The following ANO5 variants were observed in gnomAD, a reference collection of about 807,000 sequenced individuals.
The protein encoded by ANO5 is anoctamin 5.
In ANO5, 109 loss-of-function variants were observed where a neutral mutation model predicts 121.0. The ratio of observed to expected loss-of-function variants is 0.90; its 90% CI spans 0.77 to 1.06. The LOEUF (loss-of-function observed/expected upper bound fraction) is 1.06. Ranked by LOEUF, ANO5 falls within the 50% of genes least tolerant of loss-of-function variation. The pLI, the probability that ANO5 is intolerant of heterozygous loss-of-function variation, is 0.00. For synonymous variants in ANO5, 406 were observed against 359.9 expected (o/e 1.13, Z -1.45); for missense variants, 1,064 against 1,078.5 (o/e 0.99, Z 0.19).
chr11:22,231,373 T>C lies in ANO5; in HGVS notation c.648+3787T>C, dbSNP rs1853036104. Reference sequence around the variant, plus strand: ...TTTTAATTGTACGACTGAAGCACAGTTTCATCCTCATTGTGAAAGTATCAA... The same window carrying C: ...TTTTAATTGTACGACTGAAGCACAGCTTCATCCTCATTGTGAAAGTATCAA... On this transcript the variant is annotated intron_variant, in intron 7 of 21. Transcript: ENST00000324559. Among the ~76,000 whole-genome samples the C allele has an allele frequency of 2.6e-5, 4 of 151,900 alleles. No individual in the cohort carries two copies. In the Admixed American group the frequency reaches 2.6e-4, roughly 10 times the overall value.
chr11:22,216,523 C>T (rs898068091), intron 3 of ANO5, among the ~76,000 whole-genome samples: 1 of 151,686 alleles, frequency 6.6e-6, no homozygotes, highest in Non-Finnish European at 1.5e-5. Context: ...ATCTTTTCTG[C>T]ATTTTAAAAA....
At chr11:22,255,342 C>A (rs760554033) in intron 12 of ANO5, 29 bp from the exon 13 acceptor site, 2 of 1,514,020 alleles carry the variant, frequency 1.3e-6, no homozygotes, top group Non-Finnish European at 1.8e-6. Flanking sequence ...TTTTTAATAT[C>A]TTTTTTTTAT....
Position 22,225,969 on chromosome 11 carries a change from T to A in ANO5, c.295-15T>A, listed in dbSNP as rs1389262131. The A allele has an allele frequency of 8.2e-6, 13 of 1,584,230 alleles. No individual in the cohort carries two copies. The highest frequency in any genetic ancestry group is 1.7e-5 in the Admixed American group (1 of 59,658). On this transcript the variant is annotated splice_polypyrimidine_tract_variant and intron_variant, in intron 5 of 21. Transcript: ENST00000324559. ...AAGCATTCTGCATAATTCTGTTGAT[T>A]TTTTTTTGTCATAGGAAAGAAGAAA...
chr11:22,216,713 A>G lies in ANO5; in HGVS notation c.139-1533A>G, dbSNP rs1045514477. ...ATATAAATTCAATTTCTCATATTTT[A>G]TCTTTTATCATCCATTCTTTTTATG... On this transcript the variant is annotated intron_variant, in intron 3 of 21. Transcript: ENST00000324559. Among the ~76,000 whole-genome samples the G allele has an allele frequency of 4.0e-5, 6 of 151,892 alleles. No homozygotes were observed. In the South Asian group the frequency reaches 8.3e-4, roughly 21 times the overall value.
At chr11:22,218,119 A>ACACACACACACACACACACACG in intron 3 of ANO5, 127 bp from the exon 4 acceptor site, 1 of 868,664 alleles carries the variant, frequency 1.2e-6, no homozygotes, top group South Asian at 1.4e-5. Flanking sequence ...GAAATATCAC[A>ACACACACACACACACACACACG]CACACACACA....
At position 22,281,850 on chromosome 11, in the gene ANO5, T is replaced by C. The variant is rs1407812514; in HGVS notation, c.*2085T>C. 1.3e-5 allele frequency: 2 copies of C among 152,126 alleles called. No individual in the cohort carries two copies. Among genetic ancestry groups the C allele is most frequent in the African/African-American group, 4.8e-5 (2 of 41,464 alleles). 9.4% of individuals were successfully genotyped at this position (152,126 alleles called of 1,614,324 possible). On this transcript the variant is annotated 3_prime_UTR_variant, in exon 22 of 22. Coordinates refer to ENST00000324559, the MANE Select transcript of ANO5 (RefSeq NM_213599.3). ...ATGGAGAAAACAGCAAGGGAAGAAA[T>C]CGTTTTTAAGATAAGTAAATAATTC...
Position 22,280,774 on chromosome 11 carries a change from G to A in ANO5, c.*1009G>A, listed in dbSNP as rs983661860. 1 of 151,872 alleles carries A rather than the reference G, an allele frequency of 6.6e-6. No homozygotes were observed. The highest frequency in any genetic ancestry group is 1.5e-5 in the Non-Finnish European group (1 of 67,864). The allele number at this position is 151,872 out of a possible 1,614,324, so 9.4% of individuals were successfully genotyped here. On this transcript the variant is annotated 3_prime_UTR_variant, in exon 22 of 22. Coordinates refer to ENST00000324559, the MANE Select transcript of ANO5 (RefSeq NM_213599.3). ...TAAGTTTACAACCTTTTCTATTGAT[G>A]TATCATCTTATACAATGCTCAGTGC...
intron 20 of ANO5, 61 bp downstream of exon 20, chr11:22,274,808 T>C: frequency 2.6e-6 from 4 of 1,559,302 alleles, no homozygotes; most frequent in Non-Finnish European, 3.5e-6. Context: ...TTTCTTAAGT[T>C]ATCTATTACC....
At position 22,279,814 on chromosome 11, in the gene ANO5, C is replaced by T. The variant is rs1325520760; in HGVS notation, c.*49C>T. 1.3e-6 allele frequency: 2 copies of T among 1,525,408 alleles called. No homozygotes were observed. The highest frequency in any genetic ancestry group is 1.8e-6 in the Non-Finnish European group (2 of 1,106,116). The allele number at this position is 1,525,408 out of a possible 1,614,324, so 94.5% of individuals were successfully genotyped here. On this transcript the variant is annotated 3_prime_UTR_variant, in exon 22 of 22. Coordinates refer to ENST00000324559, the MANE Select transcript of ANO5 (RefSeq NM_213599.3). ...GTGATCTGCCTTACTTCACTTTATC[C>T]TCTGGTTTTAGGGCCAGACGCCAGA...
intron 3 of ANO5, among the ~76,000 whole-genome samples, chr11:22,214,676 TA>T (rs974189097): frequency 6.6e-6 from 1 of 151,898 alleles, no homozygotes; most frequent in Non-Finnish European, 1.5e-5. Context: ...AATTCAACCT[TA>T]GGAAGGAAAA....
chr11:22,205,552 TA>T (rs2133528518), intron 2 of ANO5, among the ~76,000 whole-genome samples: 1 of 144,388 alleles, frequency 6.9e-6, no homozygotes, highest in South Asian at 2.2e-4. Context: ...TAAAATAAAA[TA>T]AAATAAAATA....
chr11:22,233,646 C>G (rs1853117511), intron 7 of ANO5, among the ~76,000 whole-genome samples: 1 of 151,976 alleles, frequency 6.6e-6, no homozygotes, highest in Non-Finnish European at 1.5e-5. Context: ...AGGTGGATGC[C>G]TAATGATTTC....
chr11:22,273,346 A>G (rs539716316), intron 19 of ANO5, among the ~76,000 whole-genome samples: 2 of 152,330 alleles, frequency 1.3e-5, no homozygotes, highest in African/African-American at 4.8e-5. Flanking sequence ...TTATGAAACA[A>G]TTATTAAAAT....
intron 1 of ANO5, among the ~76,000 whole-genome samples, chr11:22,199,499 C>T (rs1030710436): frequency 3.3e-5 from 5 of 152,050 alleles, no homozygotes; most frequent in African/African-American, 1.2e-4. Context: ...AGCCTGTAGC[C>T]TCTGCTGTAT....
rs114897158 is a variant in ANO5, at chr11:22,193,232, A to C, written c.-261A>C. 2.4e-3 allele frequency: 2,658 copies of C among 1,098,944 alleles called. 40 individuals are homozygous for C. The African/African-American group carries it at 0.044, about 18-fold the overall frequency. The allele number at this position is 1,098,944 out of a possible 1,614,324, so 68.1% of individuals were successfully genotyped here. A position where few individuals can be genotyped will look rare whatever the true frequency, so the allele number is the denominator to read the frequency against. On this transcript the variant is annotated 5_prime_UTR_variant, in exon 1 of 22. Transcript: ENST00000324559. ...GGGGAAGCGCAGGGCCAAGCGCGCGAAGCAGGTTGTGGGGGACCGGGTCGA... is the reference window on the plus strand; with the variant it reads ...GGGGAAGCGCAGGGCCAAGCGCGCGCAGCAGGTTGTGGGGGACCGGGTCGA...
chr11:22,278,099 T>A (rs1236866306), intron 21 of ANO5: 1 of 151,728 alleles, frequency 6.6e-6, no homozygotes, highest in Non-Finnish European at 1.5e-5. Context: ...TCATTTTCAT[T>A]CAGCTTCCAG....
At chr11:22,231,059 C>T (rs1283664043) in intron 7 of ANO5, among the ~76,000 whole-genome samples, 2 of 151,966 alleles carry the variant, frequency 1.3e-5, no homozygotes, top group African/African-American at 4.8e-5. Flanking sequence ...AATCTCACCA[C>T]ACCTCTTATG....
chr11:22,209,805 A>G (rs76992171), intron 2 of ANO5, among the ~76,000 whole-genome samples: 9,198 of 151,994 alleles, frequency 0.061, 920 homozygotes, highest in African/African-American at 0.21. Context: ...TTTTCCTAAA[A>G]GGAGAGATTG....
intron 5 of ANO5, among the ~76,000 whole-genome samples, chr11:22,222,679 C>T (rs114892197): frequency 0.036 from 5,221 of 144,472 alleles, 283 homozygotes; most frequent in African/African-American, 0.12. Flanking sequence ...TCCCTTGCCC[C>T]TCTCCCAGTT....
Sources: gnomAD v4.1 joint callset for allele counts (sites outside exome capture counted in the v4.1 genomes callset) on GRCh38, gnomAD v4.1.1 for gene constraint, MANE v1.5 for transcripts, NCBI Gene and HGNC (gene_info 2026-07-23, HGNC 2026-07-21) for gene names.